Variants in CDH26 observed in about 807,000 individuals in gnomAD.
CDH26 encodes the protein cadherin-like protein 26.
In CDH26, 83 loss-of-function variants were observed where a neutral mutation model predicts 90.3. The observed-to-expected ratio is 0.92, with a 90% CI of 0.77 to 1.10. The LOEUF (loss-of-function observed/expected upper bound fraction) is 1.10, where lower values mean the gene tolerates loss of function less well. Among genes scored for constraint, CDH26 ranks in the 50% least tolerant of loss-of-function variants. The pLI, the probability that CDH26 is intolerant of heterozygous loss-of-function variation, is 0.00. For synonymous variants in CDH26, 397 were observed against 396.3 expected (o/e 1.00, Z -0.02); for missense variants, 1,013 against 1,037.6 (o/e 0.98, Z 0.33).
rs1555903632 is a variant in CDH26 at position 60,021,867 on chromosome 20, C to CACACACACACAT, written c.948-9353_948-9352insTACACACACACA. Among the ~76,000 whole-genome samples, 142 of 90,372 alleles carry CACACACACACAT rather than the reference C, an allele frequency of 1.6e-3. 2 individuals are homozygous for CACACACACACAT. The highest frequency in any genetic ancestry group is 2.5e-3 in the Non-Finnish European group (100 of 40,738). The allele number at this position is 90,372 out of a possible 152,430, so 59.3% of individuals were successfully genotyped here. A position where few individuals can be genotyped will look rare whatever the true frequency, so the allele number is the denominator to read the frequency against. On this transcript the variant is annotated intron_variant, in intron 7 of 8. Coordinates refer to the CDH26 transcript ENST00000370991. The stretch of plus-strand genomic sequence containing the variant: ...TTATCTGTACACACACACACACACA[C>CACACACACACAT]ACACACACACACACACACACACACA...
intron 7 of CDH26, among the ~76,000 whole-genome samples, chr20:60,029,300 A>G (rs1298766774): frequency 1.3e-5 from 2 of 152,200 alleles, no homozygotes; most frequent in Admixed American, 1.3e-4. Context: ...TATAGTCAAC[A>G]ACGTAGCATC....
chr20:59,993,131 C>T (rs191939572), intron 10 of CDH26, among the ~76,000 whole-genome samples: 51 of 152,102 alleles, frequency 3.4e-4, no homozygotes, highest in African/African-American at 1.1e-3. Flanking sequence ...GGAATGTTGG[C>T]GGGGGGCAAT....
chr20:59,989,037 A>T lies in CDH26; in HGVS notation c.1157A>T (p.Gln386Leu). 6.2e-7 allele frequency: 1 copy of T among 1,614,198 alleles called. No individual in the cohort carries two copies. Among genetic ancestry groups the T allele is most frequent in the Admixed American group, 1.7e-5 (1 of 60,026 alleles). ...KAAASATVSV[Q>L]VTDANDPPAF... ...GCAGCCAGCGCCACTGTGAGTGTGC[A>T]GGTGACAGACGCCAACGACCCACCA... Residue 386 changes from glutamine (Q) to leucine (L), a missense_variant, in exon 9 of 18, where the codon CAG becomes CTG. By Grantham distance (113) the Gln-to-Leu change is moderately radical. Coordinates refer to ENST00000348616, the MANE Select transcript of CDH26 (RefSeq NM_177980.4).
At chr20:59,959,892 A>G (rs1324146248) in intron 1 of CDH26, among the ~76,000 whole-genome samples, 1 of 152,228 alleles carries the variant, frequency 6.6e-6, no homozygotes, top group Non-Finnish European at 1.5e-5. Context: ...CTCTGTTTGT[A>G]CTTAGAGTGG....
intron 9 of CDH26, among the ~76,000 whole-genome samples, chr20:59,990,940 A>C (rs2061520819): frequency 1.3e-5 from 2 of 149,818 alleles, no homozygotes; most frequent in Non-Finnish European, 3.0e-5. Context: ...CATAATCTTG[A>C]CTCACTGCAA....
At chr20:60,033,640 G>A (rs761076478) in exon 9 of CDH26, 38 of 1,304,556 alleles carry the variant, frequency 2.9e-5, no homozygotes, top group Non-Finnish European at 3.4e-5. Context: ...GAGGAGAATC[G>A]GCAGGTGGTC....
rs992326034 is a variant in CDH26 at position 59,996,832 on chromosome 20, T to C, written c.2019+71T>C. The C allele has an allele frequency of 6.3e-6, 10 of 1,578,556 alleles. No individual in the cohort carries two copies. In the African/African-American group the frequency reaches 1.1e-4, roughly 17 times the overall value. ...ATACACAGACATATAGCATGTATTT[T>C]TCCCCCCATTGTGCCACCTCTTAAT... On this transcript the variant is annotated intron_variant, in intron 13 of 17. Coordinates refer to ENST00000348616, the MANE Select transcript of CDH26 (RefSeq NM_177980.4).
intron 17 of CDH26, among the ~76,000 whole-genome samples, chr20:60,009,153 A>G (rs1389251483): frequency 6.6e-6 from 1 of 152,226 alleles, no homozygotes; most frequent in Non-Finnish European, 1.5e-5. Flanking sequence ...GAATCCAAAA[A>G]TGGAGGCTCA....
At chr20:59,970,441 G>C (rs2061244021) in intron 3 of CDH26, among the ~76,000 whole-genome samples, 1 of 151,206 alleles carries the variant, frequency 6.6e-6, no homozygotes, top group South Asian at 2.1e-4. Flanking sequence ...CAACAGGGTG[G>C]TTAATTCCAA....
chr20:59,969,449 T>A (rs953007125), intron 2 of CDH26, among the ~76,000 whole-genome samples: 1 of 152,206 alleles, frequency 6.6e-6, no homozygotes, highest in African/African-American at 2.4e-5. Context: ...GTAATTTTTT[T>A]AAAAAAGAAC....
At chr20:59,989,226 C>A in intron 9 of CDH26, 63 bp downstream of exon 9, 2 of 1,592,124 alleles carry the variant, frequency 1.3e-6, no homozygotes, top group South Asian at 1.1e-5. Context: ...ACCAAGAGGG[C>A]TCCTGTTAGA....
At chr20:59,964,423 T>C (rs914341209) in intron 1 of CDH26, among the ~76,000 whole-genome samples, 2 of 151,976 alleles carry the variant, frequency 1.3e-5, no homozygotes, top group African/African-American at 2.4e-5. Flanking sequence ...AACAAGCATC[T>C]AGAAAGAACC....
chr20:59,989,889 C>T (rs573565854), intron 9 of CDH26, among the ~76,000 whole-genome samples: 1 of 152,100 alleles, frequency 6.6e-6, no homozygotes, highest in African/African-American at 2.4e-5. Flanking sequence ...TAAAATTTAC[C>T]ATTTTATCCA....
intron 13 of CDH26, 49 bp downstream of exon 13, chr20:59,996,810 C>A: frequency 6.2e-7 from 1 of 1,611,416 alleles, no homozygotes; most frequent in Non-Finnish European, 8.5e-7. Flanking sequence ...TTCACTAATA[C>A]ACAGACATAT....
chr20:59,967,981 TTCTTTCTTTC>T (rs2061194116), intron 1 of CDH26, among the ~76,000 whole-genome samples: 1 of 129,292 alleles, frequency 7.7e-6, no homozygotes, highest in East Asian at 2.2e-4. Flanking sequence ...CTTTCTTTCT[TTCTTTCTTTC>T]TTTCTTTCTT....
intron 9 of CDH26, among the ~76,000 whole-genome samples, chr20:59,990,862 TTTTC>T (rs1396239550): frequency 6.7e-6 from 1 of 148,716 alleles, no homozygotes; most frequent in Non-Finnish European, 1.5e-5. Flanking sequence ...CTACAATTTC[TTTTC>T]TTTTTTTTTT....
intron 7 of CDH26, among the ~76,000 whole-genome samples, chr20:60,027,050 G>A (rs1015529588): frequency 2.6e-5 from 4 of 152,234 alleles, no homozygotes; most frequent in African/African-American, 4.8e-5. Flanking sequence ...CCAGGACAGC[G>A]TGTATGTGTG....
At chr20:59,995,042 C>G (rs1221218041) in intron 11 of CDH26, among the ~76,000 whole-genome samples, 4 of 152,228 alleles carry the variant, frequency 2.6e-5, no homozygotes, top group Non-Finnish European at 5.9e-5. Context: ...ACACTCTCTT[C>G]TGTGCCTCTA....
chr20:59,971,976 GTCTTA>G lies in CDH26; in HGVS notation c.248_252del (p.Ser83Ter). 6.2e-7 allele frequency: 1 copy of G among 1,613,076 alleles called. No homozygotes were observed. Among genetic ancestry groups the G allele is most frequent in the Non-Finnish European group, 8.5e-7 (1 of 1,179,484 alleles). On this transcript the variant is annotated frameshift_variant, in exon 4 of 18. Coordinates refer to ENST00000348616, the MANE Select transcript of CDH26 (RefSeq NM_177980.4). LOFTEE classifies it high-confidence loss of function. ...CCTCCTTCCAGCTGTTCAATAATAT[GTCTTA>G]TAACATGTCACTAATGTATCTAATC...
Sources: allele counts gnomAD v4.1 joint callset (sites outside exome capture counted in the v4.1 genomes callset), GRCh38; gene constraint gnomAD v4.1.1; transcripts MANE v1.5; gene names NCBI Gene and HGNC (gene_info 2026-07-23, HGNC 2026-07-21).